The following GABBR2 variants were observed in gnomAD, a reference collection of about 807,000 sequenced individuals.
The protein encoded by GABBR2 is gamma-aminobutyric acid type B receptor subunit 2.
Under a neutral mutation model 105.6 loss-of-function variants are expected in GABBR2, and 23 were observed. The observed-to-expected ratio is 0.22, with a 90% CI of 0.16 to 0.31. The LOEUF is 0.31. GABBR2 is among the 10% of genes least tolerant of loss of function. GABBR2 has a pLI of 1.00. For missense variants in GABBR2, 734 were observed against 1,245.5 expected (o/e 0.59, Z 6.18); for synonymous variants, 478 against 499.7 (o/e 0.96, Z 0.58).
At chr9:98,708,198 A>G (rs1255594180) in intron 1 of GABBR2, among the ~76,000 whole-genome samples, 1 of 149,816 alleles carries the variant, frequency 6.7e-6, no homozygotes, top group Non-Finnish European at 1.5e-5. Flanking sequence ...ACATACACAC[A>G]TAAGACCAGA....
intron 15 of GABBR2, chr9:98,304,086 C>T (rs1447029736): frequency 6.6e-6 from 1 of 152,222 alleles, no homozygotes; most frequent in African/African-American, 2.4e-5. Context: ...AGCTGAGTGA[C>T]CCATGGCCCC....
At chr9:98,505,423 GGTGTGTGTGTGT>G (rs59702034) in intron 3 of GABBR2, among the ~76,000 whole-genome samples, 15 of 148,484 alleles carry the variant, frequency 1.0e-4, no homozygotes, top group East Asian at 6.0e-4. Context: ...GCTGTATCCA[GGTGTGTGTGTGT>G]GTGTGTGTGT....
rs186441393 is a variant in GABBR2, at chr9:98,319,929, T to C, written c.1894-8724A>G. ...GACATAGGCATGGGCAAGGACTTCA[T>C]GTCTAAAACACCAAAAGCAATGGCA... On this transcript the variant is annotated intron_variant, in intron 13 of 18. Coordinates refer to ENST00000259455, the MANE Select transcript of GABBR2 (RefSeq NM_005458.8). 3.9e-5 allele frequency among the ~76,000 whole-genome samples: 6 copies of C among 152,282 alleles called. No individual in the cohort carries two copies. In the East Asian group the frequency reaches 9.7e-4, roughly 25 times the overall value.
chr9:98,620,677 G>A (rs1306319354), intron 1 of GABBR2, among the ~76,000 whole-genome samples: 1 of 152,122 alleles, frequency 6.6e-6, no homozygotes, highest in African/African-American at 2.4e-5. Context: ...TGAGGCATTG[G>A]GTCCGGGTAA....
intron 1 of GABBR2, among the ~76,000 whole-genome samples, chr9:98,612,811 G>A (rs1008882400): frequency 6.6e-6 from 1 of 152,220 alleles, no homozygotes; most frequent in Non-Finnish European, 1.5e-5. Flanking sequence ...GCCTGGCATT[G>A]AGAATTCTCT....
intron 7 of GABBR2, 29 bp from the exon 8 acceptor site, chr9:98,406,170 A>G: frequency 7.1e-7 from 1 of 1,409,856 alleles, no homozygotes; most frequent in South Asian, 1.3e-5. Context: ...AAATCAAACA[A>G]GAATAAAAGA....
chr9:98,514,420 A>AATG (rs1415515216), intron 3 of GABBR2, among the ~76,000 whole-genome samples: 4 of 90,052 alleles, frequency 4.4e-5, no homozygotes, highest in Admixed American at 2.0e-4. Flanking sequence ...TAATAATAAT[A>AATG]ATAAAAAAGA....
chr9:98,468,623 C>T (rs960203649), intron 6 of GABBR2, among the ~76,000 whole-genome samples: 1 of 152,280 alleles, frequency 6.6e-6, no homozygotes, highest in Middle Eastern at 3.4e-3. Context: ...CATGACTTAA[C>T]ATCATAACCA....
chr9:98,589,207 T>C (rs1829114950), intron 1 of GABBR2, among the ~76,000 whole-genome samples: 1 of 152,160 alleles, frequency 6.6e-6, no homozygotes, highest in African/African-American at 2.4e-5. Context: ...GGACTGTTCC[T>C]ACCCGAGCCT....
chr9:98,335,277 C>T (rs1034807877), intron 13 of GABBR2, among the ~76,000 whole-genome samples: 1 of 152,214 alleles, frequency 6.6e-6, no homozygotes, highest in African/African-American at 2.4e-5. Context: ...GGGCCTCTCT[C>T]TGAGTCTGTA....
intron 13 of GABBR2, among the ~76,000 whole-genome samples, chr9:98,335,863 T>G (rs1427471418): frequency 6.6e-6 from 1 of 152,208 alleles, no homozygotes; most frequent in Non-Finnish European, 1.5e-5. Flanking sequence ...CATGCACGCA[T>G]TCCTTTGTTC....
intron 1 of GABBR2, among the ~76,000 whole-genome samples, chr9:98,694,583 C>CG (rs1373016717): frequency 1.1e-4 from 16 of 152,156 alleles, no homozygotes; most frequent in African/African-American, 3.9e-4. Context: ...TGAATGACAT[C>CG]GCTATGTCTT....
Position 98,300,918 on chromosome 9 carries a change from C to T in GABBR2, c.2413-1565G>A, listed in dbSNP as rs149983025. ...ATTTCTACACAGTTGTCAGTCATGC[C>T]TCGTGTAATGAAGCCTCCATAAAAA... On this transcript the variant is annotated intron_variant, in intron 16 of 18. Coordinates refer to ENST00000259455, the MANE Select transcript of GABBR2 (RefSeq NM_005458.8). Among the ~76,000 whole-genome samples the T allele has an allele frequency of 3.6e-4, 55 of 152,296 alleles. No homozygotes were observed. The East Asian group carries it at 7.3e-3, about 20-fold the overall frequency.
At chr9:98,448,699 G>A (rs1345951232) in intron 7 of GABBR2, among the ~76,000 whole-genome samples, 1 of 152,150 alleles carries the variant, frequency 6.6e-6, no homozygotes, top group Non-Finnish European at 1.5e-5. Flanking sequence ...ATTACAGGCA[G>A]AAGCCACTGC....
intron 12 of GABBR2, among the ~76,000 whole-genome samples, chr9:98,365,618 T>C (rs544173202): frequency 6.6e-6 from 1 of 152,364 alleles, no homozygotes; most frequent in South Asian, 2.1e-4. Context: ...AAATATTTAT[T>C]GAGTGCCTAC....
intron 3 of GABBR2, among the ~76,000 whole-genome samples, chr9:98,512,904 A>C (rs1372588318): frequency 6.6e-6 from 1 of 152,154 alleles, no homozygotes; most frequent in Non-Finnish European, 1.5e-5. Flanking sequence ...GGAGAAAACT[A>C]CTTTAAAGTT....
intron 7 of GABBR2, among the ~76,000 whole-genome samples, chr9:98,429,122 G>C (rs1038907306): frequency 3.2e-5 from 2 of 62,208 alleles, no homozygotes; most frequent in Non-Finnish European, 6.0e-5. Flanking sequence ...CAGGTTTTTG[G>C]TGTGTGTGTG....
intron 1 of GABBR2, among the ~76,000 whole-genome samples, chr9:98,617,899 T>G (rs1365076688): frequency 1.3e-5 from 2 of 152,304 alleles, no homozygotes; most frequent in East Asian, 3.9e-4. Context: ...ACCTGCAGTC[T>G]GTATGACCTG....
intron 1 of GABBR2, chr9:98,606,961 C>T (rs1588249707): frequency 6.6e-6 from 5 of 753,186 alleles, no homozygotes; most frequent in South Asian, 2.8e-5. Context: ...GCGGCTCCGC[C>T]TGCATCCAAA....
Sources: allele counts gnomAD v4.1 joint callset (sites outside exome capture counted in the v4.1 genomes callset), GRCh38; gene constraint gnomAD v4.1.1; transcripts MANE v1.5; gene names NCBI Gene and HGNC (gene_info 2026-07-23, HGNC 2026-07-21).